Variants in SYNE3 observed in about 807,000 individuals in gnomAD.
SYNE3 encodes nesprin-3.
SYNE3 carries 100 observed loss-of-function variants against 111.2 expected under a neutral mutation model. The ratio of observed to expected loss-of-function variants is 0.90; its 90% CI spans 0.77 to 1.06. The LOEUF is 1.06. Among genes scored for constraint, SYNE3 ranks in the 50% least tolerant of loss-of-function variants. The probability of loss-of-function intolerance (pLI) is 0.00; values close to 1 mark genes in which losing one functional copy is unlikely to be tolerated. For missense variants in SYNE3, 1,160 were observed against 1,240.3 expected (o/e 0.94, Z 0.97); for synonymous variants, 547 against 533.9 (o/e 1.02, Z -0.34).
intron 4 of SYNE3, among the ~76,000 whole-genome samples, chr14:95,465,058 TG>T (rs1888078152): frequency 6.6e-6 from 1 of 152,184 alleles, no homozygotes; most frequent in South Asian, 2.1e-4. Context: ...CTCAATGAAC[TG>T]TTTCCAAATA....
At chr14:95,443,430 A>T in intron 10 of SYNE3, 141 bp from the exon 11 acceptor site, 1 of 1,063,396 alleles carries the variant, frequency 9.4e-7, no homozygotes, top group Non-Finnish European at 1.3e-6. Flanking sequence ...ATACCAGCGG[A>T]AGTACCAACC....
At chr14:95,515,067 C>A (rs1241712854) in intron 1 of SYNE3, among the ~76,000 whole-genome samples, 1 of 152,232 alleles carries the variant, frequency 6.6e-6, no homozygotes, top group African/African-American at 2.4e-5. Flanking sequence ...GAAACCTGAG[C>A]CTGGATTCTC....
intron 11 of SYNE3, among the ~76,000 whole-genome samples, chr14:95,440,491 A>G (rs1410560281): frequency 1.3e-5 from 2 of 152,240 alleles, no homozygotes. Flanking sequence ...ACCCAAGGTC[A>G]TACATGTGAC....
intron 14 of SYNE3, chr14:95,437,791 A>G (rs1166352568): frequency 1.3e-5 from 2 of 152,222 alleles, no homozygotes; most frequent in Non-Finnish European, 2.9e-5. Context: ...TGGGTAAAAC[A>G]ATGTAGTTAG....
In SYNE3 at chr14:95,409,033, C is replaced by A; in HGVS notation, c.*8793G>T. 2.5e-6 allele frequency: 1 copy of A among 406,394 alleles called. No homozygotes were observed. The highest frequency in any genetic ancestry group is 5.0e-6 in the Non-Finnish European group (1 of 200,024). The allele number at this position is 406,394 out of a possible 1,614,324, so 25.2% of individuals were successfully genotyped here. ...AGGAGTGGGCACAGGAGGAAAGCAG[C>A]ATGCTGCCCCTGCTTTGGAATGTTG... On this transcript the variant is annotated 3_prime_UTR_variant, in exon 18 of 18. Coordinates refer to ENST00000682763, the MANE Select transcript of SYNE3 (RefSeq NM_152592.6).
At chr14:95,464,025 G>T (rs962016986) in intron 4 of SYNE3, among the ~76,000 whole-genome samples, 1 of 152,212 alleles carries the variant, frequency 6.6e-6, no homozygotes, top group Non-Finnish European at 1.5e-5. Flanking sequence ...AGCAGTGCCT[G>T]GCCTGGAATC....
chr14:95,419,546 T>A (rs1884955351), intron 17 of SYNE3, among the ~76,000 whole-genome samples: 1 of 152,074 alleles, frequency 6.6e-6, no homozygotes, highest in Non-Finnish European at 1.5e-5. Flanking sequence ...ATAGAATATA[T>A]CTGCTGGCTC....
chr14:95,516,022 T>C (rs1450889373), intron 1 of SYNE3: 2 of 152,298 alleles, frequency 1.3e-5, no homozygotes, highest in Non-Finnish European at 2.9e-5. Flanking sequence ...CCCTCCCCTT[T>C]AGAAATGTGG....
intron 1 of SYNE3, among the ~76,000 whole-genome samples, chr14:95,499,170 T>A (rs1028004324): frequency 6.6e-6 from 1 of 152,154 alleles, no homozygotes; most frequent in African/African-American, 2.4e-5. Context: ...CGAGGATGTT[T>A]CCATTCATTT....
intron 1 of SYNE3, among the ~76,000 whole-genome samples, chr14:95,489,286 C>T (rs1889718625): frequency 1.3e-5 from 2 of 152,238 alleles, no homozygotes; most frequent in Non-Finnish European, 2.9e-5. Flanking sequence ...CCATCTCCTA[C>T]AGGTCCCAGA....
intron 17 of SYNE3, chr14:95,430,060 C>T (rs918812297): frequency 1.5e-6 from 1 of 662,526 alleles, no homozygotes; most frequent in African/African-American, 2.1e-5. Context: ...TGTGAACATA[C>T]CACAGTAACA....
Position 95,466,043 on chromosome 14 carries a change from C to T in SYNE3, c.515G>A (p.Arg172Gln), listed in dbSNP as rs372316132. The T allele has an allele frequency of 2.1e-4, 338 of 1,612,634 alleles. No individual in the cohort carries two copies. The highest frequency in any genetic ancestry group is 2.8e-4 in the Non-Finnish European group (327 of 1,178,842). ...NVDNQAVLLD[R>Q]LLEEAASLFN... is the part of the protein sequence containing the mutation. ...CAGGGAGGCTGCCTCCTCCAGCAGCCGGTCCAGGAGCACCGCCTGGTTGTC... is the reference window on the plus strand; with the variant it reads ...CAGGGAGGCTGCCTCCTCCAGCAGCTGGTCCAGGAGCACCGCCTGGTTGTC... Residue 172 changes from arginine (R) to glutamine (Q), a missense_variant, in exon 4 of 18, where the codon CGG becomes CAG. Physicochemically the swap from Arg to Gln is conservative, Grantham distance 43. Coordinates refer to ENST00000682763, the MANE Select transcript of SYNE3 (RefSeq NM_152592.6).
intron 1 of SYNE3, among the ~76,000 whole-genome samples, chr14:95,510,418 T>G (rs7155612): frequency 0.11 from 16,624 of 152,192 alleles, 1,131 homozygotes; most frequent in African/African-American, 0.2. Context: ...CAGGTCTCTT[T>G]GAGCCCTGTT....
intron 1 of SYNE3, among the ~76,000 whole-genome samples, chr14:95,502,212 T>G (rs537691831): frequency 6.6e-6 from 1 of 152,166 alleles, no homozygotes; most frequent in Non-Finnish European, 1.5e-5. Context: ...ACACCAACTT[T>G]CACCCTCATA....
chr14:95,448,928 G>A (rs1431090337), intron 8 of SYNE3, among the ~76,000 whole-genome samples: 1 of 152,150 alleles, frequency 6.6e-6, no homozygotes, highest in Non-Finnish European at 1.5e-5. Context: ...GGAGCTTTTT[G>A]TTTTCTTCTT....
At chr14:95,515,680 G>GCC (rs145050319) in intron 1 of SYNE3, among the ~76,000 whole-genome samples, 61 of 152,282 alleles carry the variant, frequency 4.0e-4, no homozygotes, top group African/African-American at 1.2e-3. Context: ...GCTGTAGAAA[G>GCC]CCCCCCCACC....
chr14:95,516,184 G>T (rs1057394556), intron 1 of SYNE3: 2 of 152,316 alleles, frequency 1.3e-5, no homozygotes, highest in East Asian at 1.9e-4. Flanking sequence ...CGCCAGGAGC[G>T]GATTGGGCCC....
intron 4 of SYNE3, among the ~76,000 whole-genome samples, chr14:95,457,767 A>T (rs1887559479): frequency 6.6e-6 from 1 of 152,184 alleles, no homozygotes; most frequent in Non-Finnish European, 1.5e-5. Flanking sequence ...TGACCACTCC[A>T]TAAGGGGGTA....
chr14:95,450,381 T>A, intron 7 of SYNE3: 1 of 452,576 alleles, frequency 2.2e-6, no homozygotes, highest in Middle Eastern at 5.8e-4. Flanking sequence ...TCTCATATAA[T>A]TTACATTCAT....
Sources: allele counts gnomAD v4.1 joint callset (sites outside exome capture counted in the v4.1 genomes callset), GRCh38; gene constraint gnomAD v4.1.1; transcripts MANE v1.5; gene names NCBI Gene and HGNC (gene_info 2026-07-23, HGNC 2026-07-21).